FARSB: variants seen among roughly 807,000 people sequenced by gnomAD.
FARSB encodes the protein phenylalanine--tRNA ligase beta subunit.
In FARSB, 40 loss-of-function variants were observed where a neutral mutation model predicts 69.6. That is an observed-to-expected ratio of 0.57 (90% CI 0.45 to 0.75). FARSB has a LOEUF of 0.75. Ranked by LOEUF, FARSB falls within the 30% of genes least tolerant of loss-of-function variation. The pLI, the probability that FARSB is intolerant of heterozygous loss-of-function variation, is 0.00. For synonymous variants in FARSB, 235 were observed against 247.2 expected, an observed-to-expected ratio of 0.95 and a Z score of 0.46; for missense variants, 632 against 722.9, an observed-to-expected ratio of 0.87 and a Z score of 1.44.
At chr2:222,590,854 C>A (rs1194924637) in intron 16 of FARSB, among the ~76,000 whole-genome samples, 1 of 152,096 alleles carries the variant, frequency 6.6e-6, no homozygotes, top group African/African-American at 2.4e-5. Context: ...ACTTATTATG[C>A]TAGTCTCTTT....
intron 16 of FARSB, among the ~76,000 whole-genome samples, chr2:222,589,296 A>T (rs1334820964): frequency 1.3e-5 from 2 of 152,252 alleles, no homozygotes; most frequent in African/African-American, 4.8e-5. Context: ...GCGCTGGGAA[A>T]ACTGGCTAGC....
At chr2:222,614,971 T>C (rs1690958867) in intron 14 of FARSB, among the ~76,000 whole-genome samples, 1 of 152,188 alleles carries the variant, frequency 6.6e-6, no homozygotes, top group South Asian at 2.1e-4. Flanking sequence ...AAAAAATATA[T>C]ACAGCTGCTA....
At chr2:222,609,106 T>C (rs1211593084) in intron 15 of FARSB, among the ~76,000 whole-genome samples, 1 of 152,228 alleles carries the variant, frequency 6.6e-6, no homozygotes, top group Non-Finnish European at 1.5e-5. Flanking sequence ...CCCAGTGATA[T>C]GTTTTCTCTT....
At chr2:222,634,609 T>C in intron 5 of FARSB, 68 bp from the exon 6 acceptor site, 1 of 1,299,720 alleles carries the variant, frequency 7.7e-7, no homozygotes, top group Non-Finnish European at 1.1e-6. Context: ...CAGATTTGAA[T>C]ATTCTAAAGC....
At chr2:222,586,699 T>G (rs1023146651) in intron 16 of FARSB, among the ~76,000 whole-genome samples, 2 of 151,586 alleles carry the variant, frequency 1.3e-5, no homozygotes, top group African/African-American at 4.8e-5. Context: ...AAAAAGCAGG[T>G]TTTGCAATCC....
chr2:222,574,021 G>T (rs1689776351), intron 16 of FARSB, among the ~76,000 whole-genome samples: 5 of 152,096 alleles, frequency 3.3e-5, no homozygotes. Flanking sequence ...AATTTGATTG[G>T]TTTCATTTTT....
intron 15 of FARSB, among the ~76,000 whole-genome samples, chr2:222,604,990 G>A (rs1042969501): frequency 1.3e-5 from 2 of 152,124 alleles, no homozygotes; most frequent in African/African-American, 4.8e-5. Context: ...GCTGAGATAA[G>A]CGAGGAGCAT....
intron 16 of FARSB, among the ~76,000 whole-genome samples, chr2:222,579,897 C>T (rs1689925138): frequency 6.6e-6 from 1 of 152,168 alleles, no homozygotes; most frequent in Non-Finnish European, 1.5e-5. Flanking sequence ...AACTGCCTCC[C>T]CTGACAACTC....
intron 1 of FARSB, 76 bp downstream of exon 1, chr2:222,655,940 G>T (rs1215371748): frequency 1.2e-5 from 15 of 1,210,860 alleles, no homozygotes; most frequent in Non-Finnish European, 1.8e-5. Context: ...CATGAATGTC[G>T]CCACATTGCC....
rs1689694637 is a variant in FARSB at position 222,570,365 on chromosome 2, G to A, written c.*1506C>T. 6.6e-6 allele frequency among the ~76,000 whole-genome samples: 1 copy of A among 152,204 alleles called. No individual in the cohort carries two copies. The highest frequency in any genetic ancestry group is 6.5e-5 in the Admixed American group (1 of 15,280). ...GTAAGGATCTGCTTATAACAGAGCTGTGAAGGGTCAGCTGGAAGTGTGTGT... is the reference window on the plus strand; with the variant it reads ...GTAAGGATCTGCTTATAACAGAGCTATGAAGGGTCAGCTGGAAGTGTGTGT... On this transcript the variant is annotated 3_prime_UTR_variant, in exon 17 of 17. Transcript: ENST00000281828.
chr2:222,588,152 C>T (rs757457174), intron 16 of FARSB, among the ~76,000 whole-genome samples: 21 of 152,184 alleles, frequency 1.4e-4, no homozygotes, highest in Non-Finnish European at 2.8e-4. Context: ...TATCAAAAAG[C>T]TTATCCACCA....
chr2:222,573,040 G>A (rs1235432771), intron 16 of FARSB, among the ~76,000 whole-genome samples: 1 of 152,176 alleles, frequency 6.6e-6, no homozygotes, highest in Non-Finnish European at 1.5e-5. Flanking sequence ...CAGAGTGAGT[G>A]CATTATTGAT....
intron 16 of FARSB, among the ~76,000 whole-genome samples, chr2:222,594,180 TCA>T (rs1690352209): frequency 7.0e-6 from 1 of 143,762 alleles, no homozygotes; most frequent in Non-Finnish European, 1.5e-5. Flanking sequence ...AGCGGGAGAA[TCA>T]CAGTGAGCCA....
chr2:222,630,105 G>C lies in FARSB; in HGVS notation c.848+8C>G. On this transcript the variant is annotated splice_region_variant and intron_variant, in intron 9 of 16. Coordinates refer to ENST00000281828, the MANE Select transcript of FARSB (RefSeq NM_005687.5). ...TGGGCCATCAATAAAGGTGCTGGAT[G>C]AACTTACGTAAATTGATTCTCACAA... 1 of 1,514,586 alleles carries C rather than the reference G, an allele frequency of 6.6e-7. No individual in the cohort carries two copies. The highest frequency in any genetic ancestry group is 9.0e-7 in the Non-Finnish European group (1 of 1,111,264). 93.8% of individuals were successfully genotyped at this position (1,514,586 alleles called of 1,614,324 possible).
At chr2:222,648,322 C>G (rs1180432834) in intron 2 of FARSB, among the ~76,000 whole-genome samples, 1 of 152,026 alleles carries the variant, frequency 6.6e-6, no homozygotes, top group Non-Finnish European at 1.5e-5. Context: ...GTTGAAGAGG[C>G]ACGGAGGAAG....
chr2:222,632,663 G>T (rs1691463285), intron 7 of FARSB, among the ~76,000 whole-genome samples: 1 of 151,930 alleles, frequency 6.6e-6, no homozygotes. Context: ...ATATAACTAG[G>T]CAAGGCCAGG....
intron 1 of FARSB, among the ~76,000 whole-genome samples, chr2:222,654,443 T>C (rs747635693): frequency 3.3e-5 from 5 of 152,248 alleles, no homozygotes; most frequent in Non-Finnish European, 7.3e-5. Flanking sequence ...AAATATCTCA[T>C]TATGTATATG....
chr2:222,640,684 A>G (rs1691697743), intron 4 of FARSB, among the ~76,000 whole-genome samples, 178 bp downstream of exon 4: 1 of 152,242 alleles, frequency 6.6e-6, no homozygotes, highest in Non-Finnish European at 1.5e-5. Flanking sequence ...TGAGCCTGGG[A>G]AGCAGAGGTT....
At chr2:222,596,278 A>T (rs1297356570) in intron 16 of FARSB, among the ~76,000 whole-genome samples, 1 of 152,208 alleles carries the variant, frequency 6.6e-6, no homozygotes, top group African/African-American at 2.4e-5. Flanking sequence ...TCCATAGGTT[A>T]ATGCGAAGAT....
Sources: allele counts gnomAD v4.1 joint callset (sites outside exome capture counted in the v4.1 genomes callset), GRCh38; gene constraint gnomAD v4.1.1; transcripts MANE v1.5; gene names NCBI Gene and HGNC (gene_info 2026-07-23, HGNC 2026-07-21).